Variants in SMCO4 observed in about 807,000 individuals in gnomAD.
SMCO4 encodes the protein single-pass membrane and coiled-coil domain-containing protein 4.
A neutral mutation model predicts 3.6 loss-of-function variants in SMCO4; 4 were observed. That is an observed-to-expected ratio of 1.11 (90% confidence interval 0.54 to 2.53). SMCO4 has a LOEUF of 2.53. Among genes scored for constraint, SMCO4 ranks in the 30% most tolerant of loss-of-function variants. The pLI, the probability that SMCO4 is intolerant of heterozygous loss-of-function variation, is 0.02. For synonymous variants in SMCO4, 36 were observed against 35.3 expected (o/e 1.02, Z -0.07); for missense variants, 70 against 80.8 (o/e 0.87, Z 0.51).
At chr11:93,484,423 C>A (rs1183399786) in intron 2 of SMCO4, among the ~76,000 whole-genome samples, 1 of 152,152 alleles carries the variant, frequency 6.6e-6, no homozygotes, top group East Asian at 1.9e-4. Flanking sequence ...GGTTTGAAGT[C>A]AGGTTTGTGC....
upstream of SMCO4, among the ~76,000 whole-genome samples, chr11:93,543,848 A>G (rs1949294141): frequency 2.0e-5 from 3 of 152,250 alleles, no homozygotes; most frequent in Non-Finnish European, 4.4e-5. Flanking sequence ...TAGATGAATG[A>G]GTTGAGACTT....
intron 2 of SMCO4, among the ~76,000 whole-genome samples, chr11:93,486,670 T>C (rs1257853683): frequency 1.3e-5 from 2 of 152,036 alleles, no homozygotes; most frequent in African/African-American, 4.8e-5. Context: ...GCCTACAGCA[T>C]GGAGGGAGCC....
At chr11:93,520,687 G>A (rs1260387584) in intron 1 of SMCO4, among the ~76,000 whole-genome samples, 1 of 152,096 alleles carries the variant, frequency 6.6e-6, no homozygotes, top group East Asian at 1.9e-4. Flanking sequence ...TCAACACTTC[G>A]GGATATAAAG....
intron 2 of SMCO4, among the ~76,000 whole-genome samples, chr11:93,498,414 T>C (rs1281515301): frequency 2.2e-4 from 33 of 152,084 alleles, no homozygotes; most frequent in Admixed American, 2.0e-3. Context: ...GATCCACCTG[T>C]GCAGCAGATA....
At chr11:93,528,870 C>CA (rs1488274034) in intron 1 of SMCO4, among the ~76,000 whole-genome samples, 1 of 152,216 alleles carries the variant, frequency 6.6e-6, no homozygotes, top group Non-Finnish European at 1.5e-5. Context: ...GCCGCCTACT[C>CA]AGAGCCCAGC....
chr11:93,503,978 TCTTA>T (rs1382910438), intron 1 of SMCO4, among the ~76,000 whole-genome samples: 1 of 152,210 alleles, frequency 6.6e-6, no homozygotes, highest in Non-Finnish European at 1.5e-5. Flanking sequence ...TACACAATGA[TCTTA>T]ATTATGCATA....
chr11:93,485,357 A>G (rs67927069), intron 2 of SMCO4, among the ~76,000 whole-genome samples: 17,298 of 152,208 alleles, frequency 0.11, 1,265 homozygotes, highest in Non-Finnish European at 0.16. Flanking sequence ...ATCACACCTG[A>G]GCCTGCCTGT....
At chr11:93,539,597 A>T (rs1247656620) in intron 1 of SMCO4, among the ~76,000 whole-genome samples, 2 of 152,206 alleles carry the variant, frequency 1.3e-5, no homozygotes, top group Non-Finnish European at 2.9e-5. Context: ...AATGTTAATA[A>T]AATTCTCAGA....
chr11:93,544,595 C>T (rs1485622413), upstream of SMCO4, among the ~76,000 whole-genome samples: 5 of 152,178 alleles, frequency 3.3e-5, no homozygotes, highest in Non-Finnish European at 7.3e-5. Flanking sequence ...TCTACTGGCT[C>T]TTCCTGTTTT....
At chr11:93,529,563 C>T (rs904264743) in intron 1 of SMCO4, among the ~76,000 whole-genome samples, 2 of 152,128 alleles carry the variant, frequency 1.3e-5, no homozygotes, top group Non-Finnish European at 2.9e-5. Flanking sequence ...CCCGCACAGC[C>T]CAGAGAGAGT....
At chr11:93,504,331 T>G (rs2134601959) in intron 1 of SMCO4, among the ~76,000 whole-genome samples, 1 of 152,224 alleles carries the variant, frequency 6.6e-6, no homozygotes, top group East Asian at 1.9e-4. Context: ...CTGTTGGTTT[T>G]CAGACTCTGG....
At chr11:93,510,152 TGA>T (rs1948944393) in intron 1 of SMCO4, among the ~76,000 whole-genome samples, 1 of 152,216 alleles carries the variant, frequency 6.6e-6, no homozygotes, top group Non-Finnish European at 1.5e-5. Flanking sequence ...TCATGGACTC[TGA>T]GTACAGGTCT....
intron 1 of SMCO4, among the ~76,000 whole-genome samples, chr11:93,525,029 G>A (rs970324001): frequency 6.6e-6 from 1 of 152,172 alleles, no homozygotes; most frequent in African/African-American, 2.4e-5. Flanking sequence ...TCTACTCAGA[G>A]GAAGGTTGCA....
intron 2 of SMCO4, among the ~76,000 whole-genome samples, chr11:93,493,083 T>C (rs1948736776): frequency 6.6e-6 from 1 of 152,214 alleles, no homozygotes; most frequent in South Asian, 2.1e-4. Flanking sequence ...TGATCTTTAA[T>C]TTAAATGTCC....
intron 1 of SMCO4, among the ~76,000 whole-genome samples, chr11:93,525,506 G>A (rs569558160): frequency 1.3e-5 from 2 of 152,128 alleles, no homozygotes; most frequent in South Asian, 4.2e-4. Context: ...AAAATTTAAG[G>A]AAGTGAGGTG....
rs1318874036 is a variant in SMCO4 at position 93,534,221 on chromosome 11, C to T, written c.-154+9055G>A. Among the ~76,000 whole-genome samples the T allele has an allele frequency of 3.9e-3, 17 of 4,326 alleles. 1 individual carries two copies. Among genetic ancestry groups the T allele is most frequent in the South Asian group, 0.036 (4 of 112 alleles). The allele number at this position is 4,326 out of a possible 152,430, so 2.8% of individuals were successfully genotyped here. On this transcript the variant is annotated intron_variant, in intron 1 of 2. Coordinates refer to ENST00000298966, the MANE Select transcript of SMCO4 (RefSeq NM_020179.3). ...AAAAAAAAAAATATATATATACACACACACACACACACACACACACACACA... is the reference window on the plus strand; with the variant it reads ...AAAAAAAAAAATATATATATACACATACACACACACACACACACACACACA...
At position 93,482,234 on chromosome 11, in the gene SMCO4, T is replaced by C. The variant is rs527673219; in HGVS notation, c.-80-2965A>G. On this transcript the variant is annotated intron_variant, in intron 2 of 2. Transcript: ENST00000298966. ...GAGATAACGACTGGGGAGGGGACCC[T>C]ATGGTGAAAAGGGACCAACCAGGAA... 6.0e-4 allele frequency among the ~76,000 whole-genome samples: 92 copies of C among 152,118 alleles called. 1 individual carries two copies. The highest frequency in any genetic ancestry group is 2.1e-3 in the African/African-American group (87 of 41,494).
rs551773742 is a variant in SMCO4 at position 93,497,764 on chromosome 11, C to G, written c.-81+1512G>C. On this transcript the variant is annotated intron_variant, in intron 2 of 2. Coordinates refer to ENST00000298966, the MANE Select transcript of SMCO4 (RefSeq NM_020179.3). ...ATGAGAAGTTACCACTTGCCTCTGC[C>G]TGCTTCCCAGGACTGGTGGGAGAAG... is the stretch of plus-strand genomic sequence containing the variant. 9.8e-5 allele frequency among the ~76,000 whole-genome samples: 15 copies of G among 152,296 alleles called. 1 individual carries two copies. Among genetic ancestry groups the G allele is most frequent in the Admixed American group, 8.5e-4 (13 of 15,298 alleles).
the SMCO4 span, among the ~76,000 whole-genome samples, chr11:93,552,603 C>G: frequency 6.6e-6 from 1 of 151,596 alleles, no homozygotes; most frequent in Admixed American, 6.6e-5. Context: ...TCCTGAGTAG[C>G]TGGGATTACA....
Sources: allele counts gnomAD v4.1 joint callset (sites outside exome capture counted in the v4.1 genomes callset), GRCh38; gene constraint gnomAD v4.1.1; transcripts MANE v1.5; gene names NCBI Gene and HGNC (gene_info 2026-07-23, HGNC 2026-07-21).